The following SAMD5 variants were observed in gnomAD, a reference collection of about 807,000 sequenced individuals.
SAMD5 encodes the protein sterile alpha motif domain containing 5, also known as sterile alpha motif domain-containing protein 5.
Under a neutral mutation model 11.3 loss-of-function variants are expected in SAMD5, and 13 were observed. The observed-to-expected ratio is 1.15, with a 90% CI of 0.75 to 1.83. The LOEUF (loss-of-function observed/expected upper bound fraction) is 1.83, where lower values mean the gene tolerates loss of function less well. Ranked by LOEUF, SAMD5 falls within the 40% of genes most tolerant of loss-of-function variation. The pLI is 0.00. For missense variants in SAMD5, 255 were observed against 239.1 expected, an observed-to-expected ratio of 1.07 and a Z score of -0.44; for synonymous variants, 129 against 111.3, an observed-to-expected ratio of 1.16 and a Z score of -1.00.
chr6:147,647,180 T>C (rs1790417668), intron 1 of SAMD5, among the ~76,000 whole-genome samples: 2 of 151,456 alleles, frequency 1.3e-5, no homozygotes, highest in African/African-American at 4.9e-5. Flanking sequence ...AAAAAGAAAA[T>C]CATAAAGAAT....
chr6:147,891,989 C>CA, the SAMD5 span, among the ~76,000 whole-genome samples: 4 of 152,144 alleles, frequency 2.6e-5, no homozygotes, highest in Non-Finnish European at 5.9e-5. Context: ...CAGCCCTCTC[C>CA]AGTGAGGAGG....
chr6:147,890,938 A>G, the SAMD5 span, among the ~76,000 whole-genome samples: 1 of 152,220 alleles, frequency 6.6e-6, no homozygotes, highest in African/African-American at 2.4e-5. Flanking sequence ...GGCACAATGC[A>G]CTATGTTACA....
chr6:147,836,637 T>G, the SAMD5 span, among the ~76,000 whole-genome samples: 3 of 152,234 alleles, frequency 2.0e-5, no homozygotes, highest in Non-Finnish European at 4.4e-5. Context: ...ACTTTTAGTT[T>G]CTACTGAATG....
chr6:147,869,964 C>T, the SAMD5 span, among the ~76,000 whole-genome samples: 1 of 152,270 alleles, frequency 6.6e-6, no homozygotes, highest in African/African-American at 2.4e-5. Context: ...GATCCTCCCA[C>T]CTCAGCCTCC....
chr6:147,884,401 T>C, the SAMD5 span, among the ~76,000 whole-genome samples: 1 of 152,204 alleles, frequency 6.6e-6, no homozygotes. Flanking sequence ...GCAGAGTCTT[T>C]GGGAAGGACT....
At chr6:147,528,643 C>G (rs894430587) in intron 1 of SAMD5, among the ~76,000 whole-genome samples, 3 of 152,138 alleles carry the variant, frequency 2.0e-5, no homozygotes, top group Non-Finnish European at 4.4e-5. Context: ...TACCACCTGA[C>G]TTAGAAAGTT....
At chr6:147,940,500 A>G in the SAMD5 span, among the ~76,000 whole-genome samples, 1 of 152,186 alleles carries the variant, frequency 6.6e-6, no homozygotes, top group South Asian at 2.1e-4. Context: ...CTTTTCTGGC[A>G]CAATCCACTA....
chr6:147,826,113 G>C, the SAMD5 span, among the ~76,000 whole-genome samples: 1 of 152,204 alleles, frequency 6.6e-6, no homozygotes, highest in Non-Finnish European at 1.5e-5. Flanking sequence ...AAGGAACATA[G>C]AACTTGAAGA....
chr6:147,523,386 A>G (rs999065680), intron 1 of SAMD5, among the ~76,000 whole-genome samples: 1 of 152,218 alleles, frequency 6.6e-6, no homozygotes, highest in Non-Finnish European at 1.5e-5. Flanking sequence ...AGGATTAAGA[A>G]CAGGGTACAG....
chr6:147,872,748 TCA>T, the SAMD5 span, among the ~76,000 whole-genome samples: 1,570 of 152,214 alleles, frequency 0.01, 34 homozygotes, highest in African/African-American at 0.035. Flanking sequence ...TCACCTACAC[TCA>T]GTCTGATGGC....
the SAMD5 span, among the ~76,000 whole-genome samples, chr6:147,890,082 A>G: frequency 5.3e-5 from 8 of 152,226 alleles, no homozygotes; most frequent in Admixed American, 3.9e-4. Flanking sequence ...ATAATATGAA[A>G]AATTTTAAAT....
chr6:147,658,659 GTT>G (rs67968760), intron 1 of SAMD5, among the ~76,000 whole-genome samples: 1 of 148,144 alleles, frequency 6.8e-6, no homozygotes. Context: ...CTCCTACTGG[GTT>G]TTTTTTTTTC....
At chr6:147,948,697 C>T in the SAMD5 span, among the ~76,000 whole-genome samples, 13 of 151,990 alleles carry the variant, frequency 8.6e-5, no homozygotes, top group Non-Finnish European at 1.8e-4. Context: ...TACATTGGAT[C>T]TATTTGCCTT....
chr6:147,686,701 A>G (rs1281841232), intron 1 of SAMD5, among the ~76,000 whole-genome samples: 1 of 132,754 alleles, frequency 7.5e-6, no homozygotes, highest in Non-Finnish European at 1.7e-5. Flanking sequence ...GGTATCCATT[A>G]TAACAACTCT....
chr6:147,741,053 G>T (rs1791872844), downstream of SAMD5, among the ~76,000 whole-genome samples: 1 of 152,168 alleles, frequency 6.6e-6, no homozygotes, highest in Admixed American at 6.5e-5. Flanking sequence ...ATTCACCATG[G>T]AATGGCGCCT....
chr6:147,618,350 G>T (rs1168074130), intron 1 of SAMD5, among the ~76,000 whole-genome samples: 1 of 152,180 alleles, frequency 6.6e-6, no homozygotes, highest in Admixed American at 6.5e-5. Context: ...GTTGGGGGGA[G>T]TCTCATGAAG....
At chr6:147,617,906 G>A (rs1479516911) in intron 1 of SAMD5, among the ~76,000 whole-genome samples, 1 of 152,184 alleles carries the variant, frequency 6.6e-6, no homozygotes. Context: ...AAAACTTACT[G>A]AGCAAGTGAG....
the SAMD5 span, among the ~76,000 whole-genome samples, chr6:147,832,728 C>T: frequency 6.6e-6 from 1 of 152,154 alleles, no homozygotes; most frequent in Non-Finnish European, 1.5e-5. Flanking sequence ...TTGCTGCTTC[C>T]TCCTCTAGAC....
the SAMD5 span, among the ~76,000 whole-genome samples, chr6:147,880,872 A>C: frequency 6.6e-6 from 1 of 152,218 alleles, no homozygotes; most frequent in African/African-American, 2.4e-5. Flanking sequence ...ATCCTGAAAA[A>C]AACATCTGAT....
Sources: gnomAD v4.1 joint callset for allele counts (sites outside exome capture counted in the v4.1 genomes callset) on GRCh38, gnomAD v4.1.1 for gene constraint, MANE v1.5 for transcripts, NCBI Gene and HGNC (gene_info 2026-07-23, HGNC 2026-07-21) for gene names.